PIK3R4: variants seen among roughly 807,000 people sequenced by gnomAD.
PIK3R4 encodes phosphoinositide 3-kinase regulatory subunit 4.
PIK3R4 carries 46 observed loss-of-function variants against 136.5 expected under a neutral mutation model. The ratio of observed to expected loss-of-function variants is 0.34; its 90% CI spans 0.27 to 0.43. The LOEUF (loss-of-function observed/expected upper bound fraction) is 0.43. Ranked by LOEUF, PIK3R4 falls within the 20% of genes least tolerant of loss-of-function variation. The probability of loss-of-function intolerance (pLI) is 1.00; values close to 1 mark genes in which losing one functional copy is unlikely to be tolerated. For missense variants in PIK3R4, 1,331 were observed against 1,649.5 expected (o/e 0.81, Z 3.35); for synonymous variants, 557 against 566.7 (o/e 0.98, Z 0.24).
In PIK3R4 at chr3:130,690,643, G is replaced by C; in HGVS notation, c.3110C>G (p.Thr1037Arg). 1 of 1,600,888 alleles carries C rather than the reference G, an allele frequency of 6.2e-7. No individual in the cohort carries two copies. Among genetic ancestry groups the C allele is most frequent in the African/African-American group, 1.3e-5 (1 of 74,632 alleles). The part of the protein sequence containing the change: ...GKTTTTRSIL[T>R]YSRIGGRVKT... ...GACTCGTCCTCCAATTCGGCTGTAT[G>C]TAAGAATAGATCTGAATGAAAGAAA... The change falls in exon 14 of 20, where the codon ACA (threonine) becomes AGA (arginine). Residue 1037 changes from threonine to arginine, a missense_variant. Physicochemically the swap from Thr to Arg is moderately conservative, Grantham distance 71. This residue lies in a region of PIK3R4 where 1,180 missense variants were observed against 1,407.0 expected (regional missense o/e 0.84). Coordinates refer to ENST00000356763, the MANE Select transcript of PIK3R4 (RefSeq NM_014602.3).
chr3:130,728,909 C>T (rs1158489711), intron 5 of PIK3R4, among the ~76,000 whole-genome samples: 1 of 151,958 alleles, frequency 6.6e-6, no homozygotes, highest in East Asian at 1.9e-4. Flanking sequence ...GCAGATGCCA[C>T]AAACATAGTT....
In PIK3R4 at chr3:130,746,695, G is replaced by A. The variant is rs2066856848; in HGVS notation, c.-424C>T. The A allele has an allele frequency of 6.6e-6, 1 of 152,332 alleles. No individual in the cohort carries two copies. Among genetic ancestry groups the A allele is most frequent in the Non-Finnish European group, 1.5e-5 (1 of 68,154 alleles). 9.4% of individuals were successfully genotyped at this position (152,332 alleles called of 1,614,324 possible). A position where few individuals can be genotyped will look rare whatever the true frequency, so the allele number is the denominator to read the frequency against. On this transcript the variant is annotated 5_prime_UTR_variant, in exon 1 of 20. Coordinates refer to ENST00000356763, the MANE Select transcript of PIK3R4 (RefSeq NM_014602.3). ...CTACACCCGTCCGAGCCCTCCTCGAGGGCCTCACCACCGGGCGGGGGGAGA... is the reference window on the plus strand; with the variant it reads ...CTACACCCGTCCGAGCCCTCCTCGAAGGCCTCACCACCGGGCGGGGGGAGA...
chr3:130,711,582 T>C (rs919239232), intron 9 of PIK3R4, among the ~76,000 whole-genome samples: 5 of 152,076 alleles, frequency 3.3e-5, no homozygotes, highest in Admixed American at 3.3e-4. Context: ...CAACACAAGG[T>C]TGGGAACAGT....
rs1354547789 is a variant in PIK3R4 at position 130,686,368 on chromosome 3, A to G, written c.3318T>C (p.Ser1106=). 5 of 1,613,598 alleles carry G rather than the reference A, an allele frequency of 3.1e-6. No individual in the cohort carries two copies. The highest frequency in any genetic ancestry group is 3.3e-4 in the Middle Eastern group (2 of 6,060). The change falls in exon 15 of 20, where the codon TCT becomes TCC. Residue 1106 remains serine (S), a synonymous_variant. Coordinates refer to ENST00000356763, the MANE Select transcript of PIK3R4 (RefSeq NM_014602.3). The part of the protein sequence containing the change: ...GCVVDMHHFN[S]GAQSVLAYAT... ...CATAGGCAAGAACAGACTGTGCTCC[A>G]GAGTTGAAGTGATGCATATCCACAA...
chr3:130,738,556 T>A (rs950250179), intron 2 of PIK3R4, among the ~76,000 whole-genome samples: 1 of 152,124 alleles, frequency 6.6e-6, no homozygotes, highest in African/African-American at 2.4e-5. Context: ...GACAATCTAA[T>A]GGCAACGAGC....
At position 130,708,891 on chromosome 3, in the gene PIK3R4, GTA is replaced by G. The variant is rs559408960; in HGVS notation, c.2332-401_2332-400del. ...TGTACAATATTAAGCAAAAGAAAGT[GTA>G]CCTACTTCAACTTTGCTCCTGGTTG... On this transcript the variant is annotated intron_variant, in intron 9 of 19. Coordinates refer to ENST00000356763, the MANE Select transcript of PIK3R4 (RefSeq NM_014602.3). 1.6e-4 allele frequency among the ~76,000 whole-genome samples: 25 copies of G among 152,246 alleles called. 1 individual carries two copies. The South Asian group carries it at 5.2e-3, about 32-fold the overall frequency.
chr3:130,717,935 T>C (rs2066674820), intron 8 of PIK3R4, among the ~76,000 whole-genome samples: 4 of 152,126 alleles, frequency 2.6e-5, no homozygotes, highest in African/African-American at 2.4e-5. Flanking sequence ...GGAGCAGAGG[T>C]TGTGGGGTTG....
In PIK3R4 at chr3:130,706,979, C is replaced by T; in HGVS notation, c.2690G>A (p.Gly897Asp). Reference protein sequence around the residue: ...GKPPRSESSAGICVPLSTSSQ... With the variant: ...GKPPRSESSADICVPLSTSSQ... ...AGAAGTTGACAAAGGGACACAAATG[C>T]CAGCAGAGGACTCGGAACGAGGAGG... Residue 897 changes from glycine (G) to aspartate (D), a missense_variant, in exon 11 of 20, where the codon GGC becomes GAC. Physicochemically the swap from Gly to Asp is moderately conservative, Grantham distance 94 (BLOSUM62 -1). This residue lies in a region of PIK3R4 where 1,180 missense variants were observed against 1,407.0 expected (regional missense o/e 0.84). Transcript: ENST00000356763. 1.2e-6 allele frequency: 2 copies of T among 1,610,940 alleles called. No individual in the cohort carries two copies. The highest frequency in any genetic ancestry group is 2.2e-5 in the South Asian group (2 of 90,388).
intron 9 of PIK3R4, among the ~76,000 whole-genome samples, chr3:130,709,513 A>G (rs2066623063): frequency 6.6e-6 from 1 of 152,162 alleles, no homozygotes; most frequent in Admixed American, 6.5e-5. Flanking sequence ...TTAAAGTACA[A>G]TAATAATAGA....
In PIK3R4 at chr3:130,733,774, T is replaced by C; in HGVS notation, c.1224A>G (p.Arg408=). 6.2e-7 allele frequency: 1 copy of C among 1,614,174 alleles called. No homozygotes were observed. Among genetic ancestry groups the C allele is most frequent in the Non-Finnish European group, 8.5e-7 (1 of 1,179,996 alleles). ...GATCCAAAAGGATTTCAACACTTAA[T>C]CTTGGAGCCAAATGAAGAATCAGTT... is the stretch of plus-strand genomic sequence containing the variant. ...ALELILHLAP[R]LSVEILLDRI... The change falls in exon 4 of 20, where the codon AGA becomes AGG. Residue 408 remains arginine, a synonymous_variant. Transcript: ENST00000356763.
chr3:130,679,843 C>G (rs1224738447), intron 19 of PIK3R4, among the ~76,000 whole-genome samples: 2 of 152,012 alleles, frequency 1.3e-5, no homozygotes, highest in Non-Finnish European at 1.5e-5. Flanking sequence ...TTTGGGAGGC[C>G]AAGGCGGGTG....
At chr3:130,732,963 T>C (rs759642557) in intron 4 of PIK3R4, among the ~76,000 whole-genome samples, 5 of 152,056 alleles carry the variant, frequency 3.3e-5, no homozygotes, top group Non-Finnish European at 7.4e-5. Context: ...TCAGAATTAA[T>C]TTGGGGAGCT....
At chr3:130,686,088 GA>G (rs377696549) in intron 15 of PIK3R4, 122 bp downstream of exon 15, 49,290 of 462,256 alleles carry the variant, frequency 0.11, 69 homozygotes, top group Non-Finnish European at 0.12. Context: ...ACATGACTAT[GA>G]AAAAAAAAAA....
chr3:130,708,398 T>C lies in PIK3R4; in HGVS notation c.2426A>G (p.His809Arg). Residue 809 changes from histidine to arginine, a missense_variant, in exon 10 of 20, where the codon CAT (histidine) becomes CGT (arginine). Around this residue, in one of 2 missense-constraint regions of PIK3R4, gnomAD observed 1,180 missense variants for 1,407.0 expected, o/e 0.84. Transcript: ENST00000356763. ...ACCTTTCTGACTACTATCATGAAGATGGCTCTGGTCCACTATATTGGCCTT... is the reference window on the plus strand; with the variant it reads ...ACCTTTCTGACTACTATCATGAAGACGGCTCTGGTCCACTATATTGGCCTT... The part of the protein sequence containing the change: ...KAKANIVDQS[H>R]LHDSSQKGVI... 6.2e-7 allele frequency: 1 copy of C among 1,613,854 alleles called. No individual in the cohort carries two copies. Among genetic ancestry groups the C allele is most frequent in the Non-Finnish European group, 8.5e-7 (1 of 1,179,756 alleles).
In PIK3R4 at chr3:130,735,875, T is replaced by A; in HGVS notation, c.861A>T (p.Arg287Ser). 2 of 1,609,490 alleles carry A rather than the reference T, an allele frequency of 1.2e-6. No homozygotes were observed. Among genetic ancestry groups the A allele is most frequent in the Non-Finnish European group, 1.7e-6 (2 of 1,178,964 alleles). ...VLNKIEDHSI[R>S]ELVTQMIHRE... ...ATATTTGTAGCATAGTTACCAATTC[T>A]CTGATACTGTGATCTTCAATTTTAT... The change falls in exon 3 of 20, where the codon AGA becomes AGT. Residue 287 changes from arginine to serine, a missense_variant. Physicochemically the swap from Arg to Ser is moderately radical, Grantham distance 110 (BLOSUM62 -1). This residue lies in a region of PIK3R4 where 1,180 missense variants were observed against 1,407.0 expected (regional missense o/e 0.84). Transcript: ENST00000356763.
intron 9 of PIK3R4, among the ~76,000 whole-genome samples, chr3:130,712,150 G>GT (rs2066636129): frequency 1.3e-5 from 2 of 152,124 alleles, no homozygotes; most frequent in Admixed American, 1.3e-4. Flanking sequence ...TTCCAAAAGT[G>GT]TATGTTAAGT....
chr3:130,708,402 T>G lies in PIK3R4; in HGVS notation c.2422A>C (p.Ser808Arg). The G allele has an allele frequency of 6.2e-7, 1 of 1,613,806 alleles. No homozygotes were observed. ...NKAKANIVDQSHLHDSSQKGV... is the reference protein window; with the variant it reads ...NKAKANIVDQRHLHDSSQKGV... ...TTCTGACTACTATCATGAAGATGGC[T>G]CTGGTCCACTATATTGGCCTTTGCT... Residue 808 changes from serine to arginine, a missense_variant, in exon 10 of 20, where the codon AGC (serine) becomes CGC (arginine). By Grantham distance (110) the Ser-to-Arg change is moderately radical (BLOSUM62 -1). Coordinates refer to ENST00000356763, the MANE Select transcript of PIK3R4 (RefSeq NM_014602.3).
chr3:130,726,391 C>G (rs1189744599), intron 6 of PIK3R4, among the ~76,000 whole-genome samples: 1 of 152,038 alleles, frequency 6.6e-6, no homozygotes, highest in Non-Finnish European at 1.5e-5. Flanking sequence ...ATTCTATCCC[C>G]CAACAACCAG....
At chr3:130,742,521 C>A (rs1348191254) in intron 2 of PIK3R4, among the ~76,000 whole-genome samples, 1 of 152,166 alleles carries the variant, frequency 6.6e-6, no homozygotes, top group African/African-American at 2.4e-5. Context: ...GATTACATTT[C>A]TAACCTTGTT....
Sources: allele counts gnomAD v4.1 joint callset (sites outside exome capture counted in the v4.1 genomes callset), GRCh38; gene constraint gnomAD v4.1.1; regional missense constraint gnomAD v4.1.1; transcripts MANE v1.5; gene names NCBI Gene and HGNC (gene_info 2026-07-23, HGNC 2026-07-21).